SNX13: variants seen among roughly 807,000 people sequenced by gnomAD.
SNX13 encodes the protein sorting nexin-13.
A neutral mutation model predicts 133.6 loss-of-function variants in SNX13; 45 were observed. The ratio of observed to expected loss-of-function variants is 0.34; its 90% CI spans 0.27 to 0.43. SNX13 has a LOEUF of 0.43. SNX13 is among the 20% of genes least tolerant of loss of function. The probability of loss-of-function intolerance (pLI) is 1.00; values close to 1 mark genes in which losing one functional copy is unlikely to be tolerated. For synonymous variants in SNX13, 414 were observed against 373.9 expected (o/e 1.11, Z -1.24); for missense variants, 1,032 against 1,145.1 (o/e 0.90, Z 1.43).
At chr7:17,808,501 G>C (rs1040031419) in intron 20 of SNX13, among the ~76,000 whole-genome samples, 1 of 152,140 alleles carries the variant, frequency 6.6e-6, no homozygotes, top group Non-Finnish European at 1.5e-5. Flanking sequence ...AAAGTGACGG[G>C]GAGAATGGAA....
chr7:17,894,958 T>C (rs1029586493), intron 2 of SNX13, among the ~76,000 whole-genome samples: 4 of 152,208 alleles, frequency 2.6e-5, no homozygotes, highest in African/African-American at 9.7e-5. Flanking sequence ...GTTTTTGTTA[T>C]TTGTAAAAGG....
intron 5 of SNX13, chr7:17,888,183 G>C (rs1344215565): frequency 6.6e-6 from 1 of 152,104 alleles, no homozygotes; most frequent in African/African-American, 2.4e-5. Context: ...AACTTTATTT[G>C]ATACCATTTT....
intron 1 of SNX13, among the ~76,000 whole-genome samples, chr7:17,911,070 A>AAAAAC (rs571690412): frequency 1.3e-5 from 2 of 152,202 alleles, no homozygotes; most frequent in South Asian, 2.1e-4. Context: ...CCAAACGTTA[A>AAAAAC]AAAACAAAAC....
intron 11 of SNX13, among the ~76,000 whole-genome samples, chr7:17,846,951 T>G (rs1790615226): frequency 6.6e-6 from 1 of 152,192 alleles, no homozygotes; most frequent in South Asian, 2.1e-4. Flanking sequence ...CTGAGTTTAC[T>G]TACAAAGGAA....
chr7:17,838,217 G>A (rs1789384322), intron 13 of SNX13, among the ~76,000 whole-genome samples: 1 of 151,860 alleles, frequency 6.6e-6, no homozygotes, highest in Non-Finnish European at 1.5e-5. Context: ...AGTTAGTGTG[G>A]CAATCTGTGT....
intron 18 of SNX13, among the ~76,000 whole-genome samples, chr7:17,819,950 C>T (rs985953957): frequency 1.3e-5 from 2 of 151,876 alleles, no homozygotes; most frequent in Non-Finnish European, 1.5e-5. Flanking sequence ...CAAAACATGT[C>T]CATTTCACTC....
chr7:17,805,258 C>CGCGCGCGCGCGCGA (rs1785144498), intron 20 of SNX13, among the ~76,000 whole-genome samples: 1 of 80,514 alleles, frequency 1.2e-5, no homozygotes, highest in Admixed American at 1.2e-4. Flanking sequence ...TGTGCGTGCG[C>CGCGCGCGCGCGCGA]GCGCGCGCAT....
At chr7:17,848,524 C>G (rs762312451) in intron 11 of SNX13, among the ~76,000 whole-genome samples, 20 of 152,196 alleles carry the variant, frequency 1.3e-4, no homozygotes, top group Non-Finnish European at 1.9e-4. Flanking sequence ...GCTAAGAGAG[C>G]GCTGTAACAC....
At chr7:17,800,784 A>G (rs1200622776) in intron 22 of SNX13, among the ~76,000 whole-genome samples, 1 of 151,538 alleles carries the variant, frequency 6.6e-6, no homozygotes, top group Admixed American at 6.6e-5. Context: ...AAGACAGAAC[A>G]TTCAAATGGC....
chr7:17,900,723 C>T (rs1797728911), intron 1 of SNX13, among the ~76,000 whole-genome samples: 1 of 151,960 alleles, frequency 6.6e-6, no homozygotes, highest in Non-Finnish European at 1.5e-5. Flanking sequence ...TCCCCTCTGG[C>T]TCAGGGTAGG....
At chr7:17,832,906 C>A (rs1788671285) in intron 15 of SNX13, among the ~76,000 whole-genome samples, 1 of 151,296 alleles carries the variant, frequency 6.6e-6, no homozygotes, top group Non-Finnish European at 1.5e-5. Context: ...AGTGTAGACA[C>A]AGGGATAGGA....
intron 17 of SNX13, among the ~76,000 whole-genome samples, chr7:17,824,681 T>A (rs2128304885): frequency 6.6e-6 from 1 of 152,266 alleles, no homozygotes; most frequent in Admixed American, 6.5e-5. Context: ...AGCTGGGGTT[T>A]GAGCCCAAGC....
chr7:17,847,325 T>TTTTG (rs139845517), intron 11 of SNX13, among the ~76,000 whole-genome samples: 6 of 152,092 alleles, frequency 3.9e-5, no homozygotes, highest in Non-Finnish European at 5.9e-5. Context: ...TTAAGGGTTT[T>TTTTG]TTTGTTTGTT....
rs1800650352 is a variant in SNX13, at chr7:17,925,536, A to G, written c.12+14748T>C. Among the ~76,000 whole-genome samples, 2 of 152,368 alleles carry G rather than the reference A, an allele frequency of 1.3e-5. 1 individual carries two copies. The highest frequency in any genetic ancestry group is 4.1e-4 in the South Asian group (2 of 4,828). On this transcript the variant is annotated intron_variant, in intron 1 of 25. Coordinates refer to ENST00000428135, the MANE Select transcript of SNX13 (RefSeq NM_015132.5). The stretch of plus-strand genomic sequence containing the variant: ...AGATCAAGGGAACAAAACAGATTCA[A>G]GATAAAACAAAATAAAAGCAATTCT...
At chr7:17,910,229 G>C (rs1798818287) in intron 1 of SNX13, among the ~76,000 whole-genome samples, 1 of 151,972 alleles carries the variant, frequency 6.6e-6, no homozygotes. Context: ...ATAGGTTTTA[G>C]GAACATAAAT....
intron 20 of SNX13, among the ~76,000 whole-genome samples, chr7:17,805,246 TGTGTGCGTGC>T (rs990096297): frequency 5.0e-5 from 5 of 100,200 alleles, no homozygotes; most frequent in African/African-American, 1.6e-4. Context: ...TGTGTGTGTG[TGTGTGCGTGC>T]GCGCGCGCGC....
intron 5 of SNX13, among the ~76,000 whole-genome samples, chr7:17,887,001 G>C (rs1289110715): frequency 1.3e-5 from 2 of 151,556 alleles, no homozygotes; most frequent in Non-Finnish European, 2.9e-5. Flanking sequence ...CTAAGACAGG[G>C]TCAAAGAATC....
intron 1 of SNX13, among the ~76,000 whole-genome samples, chr7:17,914,089 C>T (rs1342354263): frequency 2.0e-5 from 3 of 149,000 alleles, no homozygotes; most frequent in African/African-American, 7.5e-5. Flanking sequence ...TTTCAAAATA[C>T]AGTTGGAAGC....
intron 12 of SNX13, among the ~76,000 whole-genome samples, chr7:17,845,057 G>C (rs1371420263): frequency 6.6e-6 from 1 of 152,026 alleles, no homozygotes; most frequent in Non-Finnish European, 1.5e-5. Flanking sequence ...TTGCCACTTC[G>C]TTTCAACATA....
Sources: allele counts gnomAD v4.1 joint callset (sites outside exome capture counted in the v4.1 genomes callset), GRCh38; gene constraint gnomAD v4.1.1; transcripts MANE v1.5; gene names NCBI Gene and HGNC (gene_info 2026-07-23, HGNC 2026-07-21).